Variants in ZNF385D observed in about 807,000 individuals in gnomAD.
The protein encoded by ZNF385D is zinc finger protein 659.
ZNF385D carries 15 observed loss-of-function variants against 35.8 expected under a neutral mutation model. That is an observed-to-expected ratio of 0.42 (90% CI 0.28 to 0.64). The LOEUF is 0.64. Ranked by LOEUF, ZNF385D falls within the 30% of genes least tolerant of loss-of-function variation. The pLI is 0.23. For missense variants in ZNF385D, 474 were observed against 494.6 expected, an observed-to-expected ratio of 0.96 and a Z score of 0.39; for synonymous variants, 212 against 186.8, an observed-to-expected ratio of 1.13 and a Z score of -1.10.
intron 3 of ZNF385D, among the ~76,000 whole-genome samples, chr3:21,884,380 T>C (rs562070029): frequency 7.7e-4 from 117 of 152,130 alleles, no homozygotes; most frequent in African/African-American, 2.8e-3. Context: ...TCCTAATGTC[T>C]ATCTGACATC....
chr3:21,834,270 G>A (rs1425492694), intron 3 of ZNF385D, among the ~76,000 whole-genome samples: 1 of 152,030 alleles, frequency 6.6e-6, no homozygotes, highest in Non-Finnish European at 1.5e-5. Flanking sequence ...CTGACCTCAG[G>A]TCCTCACATG....
At chr3:21,880,530 T>C (rs1462945552) in intron 3 of ZNF385D, among the ~76,000 whole-genome samples, 1 of 152,012 alleles carries the variant, frequency 6.6e-6, no homozygotes, top group Non-Finnish European at 1.5e-5. Flanking sequence ...CTGACCTTTC[T>C]ATCCACCGGT....
At chr3:21,919,408 A>G (rs1193053707) in intron 3 of ZNF385D, among the ~76,000 whole-genome samples, 3 of 152,212 alleles carry the variant, frequency 2.0e-5, no homozygotes, top group African/African-American at 2.4e-5. Flanking sequence ...GTTGTGAGCT[A>G]TAACGATGTA....
chr3:21,982,131 G>C (rs1225734982), intron 3 of ZNF385D, among the ~76,000 whole-genome samples: 1 of 149,408 alleles, frequency 6.7e-6, no homozygotes, highest in African/African-American at 2.5e-5. Context: ...TAGTTTGATA[G>C]GAGTAGCCCT....
chr3:22,338,605 G>T (rs1248362891), intron 2 of ZNF385D, among the ~76,000 whole-genome samples: 3 of 151,534 alleles, frequency 2.0e-5, no homozygotes, highest in Non-Finnish European at 4.4e-5. Flanking sequence ...TATTTTGAGA[G>T]TTGCTTTCAC....
chr3:21,825,789 G>A (rs1030439133), intron 3 of ZNF385D, among the ~76,000 whole-genome samples: 2 of 152,150 alleles, frequency 1.3e-5, no homozygotes, highest in Non-Finnish European at 2.9e-5. Flanking sequence ...CCCAGCCTCC[G>A]GGCTGCGGAC....
intron 3 of ZNF385D, among the ~76,000 whole-genome samples, chr3:21,868,573 T>C (rs1468178588): frequency 1.3e-5 from 2 of 152,142 alleles, no homozygotes; most frequent in African/African-American, 4.8e-5. Flanking sequence ...CAGAGACAAA[T>C]GTTTTTGTAC....
intron 3 of ZNF385D, among the ~76,000 whole-genome samples, chr3:22,037,791 T>A (rs1024123149): frequency 6.6e-6 from 1 of 152,198 alleles, no homozygotes; most frequent in African/African-American, 2.4e-5. Flanking sequence ...CCCATGCCTA[T>A]GTCCTGAATG....
chr3:21,517,794 T>A (rs1408519796), intron 3 of ZNF385D, among the ~76,000 whole-genome samples: 1 of 152,206 alleles, frequency 6.6e-6, no homozygotes, highest in Non-Finnish European at 1.5e-5. Flanking sequence ...TATATACCAG[T>A]TCAGCAGCAG....
At chr3:21,792,755 A>G (rs1358370036) in intron 3 of ZNF385D, among the ~76,000 whole-genome samples, 1 of 152,162 alleles carries the variant, frequency 6.6e-6, no homozygotes, top group East Asian at 1.9e-4. Flanking sequence ...CCAATTGCAT[A>G]AAGTTCAATG....
At chr3:22,340,770 T>TA (rs1193936605) in intron 2 of ZNF385D, among the ~76,000 whole-genome samples, 1 of 152,206 alleles carries the variant, frequency 6.6e-6, no homozygotes, top group Admixed American at 6.5e-5. Flanking sequence ...CCAGCATAAG[T>TA]AATTAACTGC....
chr3:21,422,820 T>C (rs1700805964), intron 7 of ZNF385D, among the ~76,000 whole-genome samples: 2 of 152,136 alleles, frequency 1.3e-5, no homozygotes, highest in Non-Finnish European at 1.5e-5. Context: ...ATAAACCATG[T>C]AATGAGGGAA....
At chr3:21,723,558 T>C (rs1451334644) in intron 1 of ZNF385D, among the ~76,000 whole-genome samples, 1 of 151,950 alleles carries the variant, frequency 6.6e-6, no homozygotes, top group Non-Finnish European at 1.5e-5. Flanking sequence ...ATATCAGAGA[T>C]TGAAGATCGA....
At chr3:22,307,400 G>C (rs1276286602) in intron 2 of ZNF385D, among the ~76,000 whole-genome samples, 2 of 152,164 alleles carry the variant, frequency 1.3e-5, no homozygotes, top group East Asian at 1.9e-4. Flanking sequence ...CATTGGACTA[G>C]AGATGTGCAT....
intron 3 of ZNF385D, among the ~76,000 whole-genome samples, chr3:21,977,783 C>T (rs569741166): frequency 6.6e-6 from 1 of 151,972 alleles, no homozygotes; most frequent in Non-Finnish European, 1.5e-5. Flanking sequence ...TTACGGTGGG[C>T]CATGATCACA....
intron 3 of ZNF385D, among the ~76,000 whole-genome samples, chr3:21,919,285 GC>G (rs1411427080): frequency 2.0e-5 from 3 of 152,160 alleles, no homozygotes; most frequent in Admixed American, 6.5e-5. Flanking sequence ...AATACATGTT[GC>G]CTGGCATCAG....
At chr3:22,335,310 A>G (rs1161113519) in intron 2 of ZNF385D, among the ~76,000 whole-genome samples, 3 of 152,180 alleles carry the variant, frequency 2.0e-5, no homozygotes, top group African/African-American at 7.2e-5. Context: ...GTCTGAACAT[A>G]GACAAGTCAT....
intron 3 of ZNF385D, among the ~76,000 whole-genome samples, chr3:22,059,225 C>T (rs1269966534): frequency 6.6e-6 from 1 of 152,060 alleles, no homozygotes; most frequent in Non-Finnish European, 1.5e-5. Flanking sequence ...ACTTCTCATT[C>T]AGTGACAGGT....
intron 3 of ZNF385D, among the ~76,000 whole-genome samples, chr3:22,120,385 T>C (rs1372816875): frequency 6.6e-6 from 1 of 152,134 alleles, no homozygotes; most frequent in African/African-American, 2.4e-5. Flanking sequence ...TTCCTCTTCT[T>C]ATGAGGACAC....
Sources: allele counts gnomAD v4.1 joint callset (sites outside exome capture counted in the v4.1 genomes callset), GRCh38; gene constraint gnomAD v4.1.1; transcripts MANE v1.5; gene names NCBI Gene and HGNC (gene_info 2026-07-23, HGNC 2026-07-21).